The following NARS2 variants were observed in gnomAD, a reference collection of about 807,000 sequenced individuals.
The protein encoded by NARS2 is asparaginyl-tRNA synthetase.
In NARS2, 60 loss-of-function variants were observed where a neutral mutation model predicts 62.9. The ratio of observed to expected loss-of-function variants is 0.95; its 90% CI spans 0.77 to 1.18. The LOEUF is 1.18. Among genes scored for constraint, NARS2 ranks in the 50% most tolerant of loss-of-function variants. NARS2 has a pLI of 0.00. For synonymous variants in NARS2, 196 were observed against 200.0 expected (o/e 0.98, Z 0.17); for missense variants, 619 against 576.4 (o/e 1.07, Z -0.76).
chr11:78,574,314 C>T (rs1018847262), intron 1 of NARS2, 34 bp downstream of exon 1: 2 of 1,613,918 alleles, frequency 1.2e-6, no homozygotes, highest in African/African-American at 1.3e-5. Flanking sequence ...AAAGTCCCTA[C>T]AAGAAAAAAC....
chr11:78,563,840 A>AC (rs1350827793), intron 4 of NARS2, among the ~76,000 whole-genome samples: 3 of 67,740 alleles, frequency 4.4e-5, no homozygotes, highest in African/African-American at 2.6e-4. Context: ...AAAAAAAAAA[A>AC]AAAAAAAAAA....
At chr11:78,566,312 G>C in intron 3 of NARS2, 40 bp from the exon 4 acceptor site, 1 of 1,511,646 alleles carries the variant, frequency 6.6e-7, no homozygotes. Context: ...AGTCAAAAGA[G>C]ATACTGTTTA....
At chr11:78,458,530 G>T (rs1413362775) in intron 11 of NARS2, among the ~76,000 whole-genome samples, 2 of 152,154 alleles carry the variant, frequency 1.3e-5, no homozygotes, top group Non-Finnish European at 1.5e-5. Context: ...TAACTCTATA[G>T]CCACTAGACT....
At chr11:78,557,808 ATATCT>A (rs1856411415) in intron 5 of NARS2, among the ~76,000 whole-genome samples, 2 of 148,010 alleles carry the variant, frequency 1.4e-5, no homozygotes, top group South Asian at 2.1e-4. Context: ...TATATCATAT[ATATCT>A]TATATTATAT....
At chr11:78,446,126 T>A (rs1857751684) in intron 11 of NARS2, among the ~76,000 whole-genome samples, 1 of 152,176 alleles carries the variant, frequency 6.6e-6, no homozygotes, top group Non-Finnish European at 1.5e-5. Context: ...TCTTTAAATG[T>A]CACATTACAT....
At chr11:78,552,281 T>C (rs1393743328) in intron 5 of NARS2, among the ~76,000 whole-genome samples, 1 of 152,250 alleles carries the variant, frequency 6.6e-6, no homozygotes, top group Non-Finnish European at 1.5e-5. Flanking sequence ...TTGCTAAGGA[T>C]GATAGCCTCC....
At chr11:78,516,153 T>C (rs1860902678) in intron 6 of NARS2, among the ~76,000 whole-genome samples, 1 of 152,222 alleles carries the variant, frequency 6.6e-6, no homozygotes, top group Non-Finnish European at 1.5e-5. Flanking sequence ...ATAATGTGGC[T>C]AAATAGAATT....
chr11:78,502,540 G>A (rs1369659457), intron 6 of NARS2, among the ~76,000 whole-genome samples: 1 of 152,140 alleles, frequency 6.6e-6, no homozygotes, highest in East Asian at 1.9e-4. Flanking sequence ...CTAGGGGAGA[G>A]GCAATTCAGT....
intron 11 of NARS2, among the ~76,000 whole-genome samples, chr11:78,456,103 T>G (rs549178212): frequency 6.6e-6 from 1 of 152,200 alleles, no homozygotes; most frequent in Non-Finnish European, 1.5e-5. Flanking sequence ...ACTCCCTAAA[T>G]GTCTTTTCCT....
intron 6 of NARS2, among the ~76,000 whole-genome samples, chr11:78,503,720 A>C (rs1239408398): frequency 6.6e-6 from 1 of 152,274 alleles, no homozygotes; most frequent in Admixed American, 6.5e-5. Context: ...TGAACATAAA[A>C]GCACAAAGGA....
chr11:78,558,615 C>G (rs1856449235), intron 5 of NARS2: 1 of 152,154 alleles, frequency 6.6e-6, no homozygotes, highest in Admixed American at 6.5e-5. Context: ...AAATAGCTAT[C>G]AAACTGGTAA....
At chr11:78,545,974 T>C (rs1051184867) in intron 5 of NARS2, among the ~76,000 whole-genome samples, 3 of 152,224 alleles carry the variant, frequency 2.0e-5, no homozygotes, top group Admixed American at 6.5e-5. Flanking sequence ...TGATTACCTA[T>C]TGGTGAGCAA....
chr11:78,515,703 A>T (rs565500836), intron 6 of NARS2, among the ~76,000 whole-genome samples: 1 of 151,962 alleles, frequency 6.6e-6, no homozygotes, highest in East Asian at 1.9e-4. Context: ...AAAAAAACAA[A>T]ACAATTTAAG....
chr11:78,446,933 C>T (rs537481687), intron 11 of NARS2, among the ~76,000 whole-genome samples: 8 of 151,430 alleles, frequency 5.3e-5, no homozygotes, highest in African/African-American at 1.9e-4. Context: ...AAAATATTTG[C>T]AAACCATACA....
chr11:78,530,106 CTTTT>C (rs959470529), intron 5 of NARS2, among the ~76,000 whole-genome samples: 1 of 149,994 alleles, frequency 6.7e-6, no homozygotes, highest in Admixed American at 6.7e-5. Context: ...TAATAACTGC[CTTTT>C]TTTTTCAAAC....
intron 11 of NARS2, among the ~76,000 whole-genome samples, chr11:78,459,282 T>C (rs760652529): frequency 6.6e-6 from 1 of 150,716 alleles, no homozygotes; most frequent in Non-Finnish European, 1.5e-5. Flanking sequence ...TTGTTTTTTT[T>C]AAATTGAGAC....
chr11:78,545,032 G>A (rs10899550), intron 5 of NARS2, among the ~76,000 whole-genome samples: 98,826 of 151,836 alleles, frequency 0.65, 35,275 homozygotes, highest in Non-Finnish European at 0.81. Context: ...AATTTATAGT[G>A]GTCAAAGTCA....
intron 11 of NARS2, among the ~76,000 whole-genome samples, chr11:78,454,408 G>C (rs576422221): frequency 6.6e-6 from 1 of 152,138 alleles, no homozygotes; most frequent in Non-Finnish European, 1.5e-5. Context: ...TAGTTCACAT[G>C]AGAACTGGTT....
In NARS2 at chr11:78,544,873, A is replaced by G. The variant is rs941366148; in HGVS notation, c.594+14666T>C. 2.0e-5 allele frequency among the ~76,000 whole-genome samples: 3 copies of G among 150,206 alleles called. No individual in the cohort carries two copies. The East Asian group carries it at 5.9e-4, about 29-fold the overall frequency. ...TGGGCACCTGTAATCCCAGCTACTC[A>G]GGAGGCTGAGGCAGAAGAATTGCTT... On this transcript the variant is annotated intron_variant, in intron 5 of 13. Coordinates refer to ENST00000281038, the MANE Select transcript of NARS2 (RefSeq NM_024678.6).
Sources: allele counts gnomAD v4.1 joint callset (sites outside exome capture counted in the v4.1 genomes callset), GRCh38; gene constraint gnomAD v4.1.1; transcripts MANE v1.5; gene names NCBI Gene and HGNC (gene_info 2026-07-23, HGNC 2026-07-21).